The following PHOSPHO1 variants were observed in gnomAD, a reference collection of about 807,000 sequenced individuals.
The protein encoded by PHOSPHO1 is phosphoethanolamine/phosphocholine phosphatase 1, also known as phosphoethanolamine/phosphocholine phosphatase.
PHOSPHO1 carries 6 observed loss-of-function variants against 17.7 expected under a neutral mutation model. The observed-to-expected ratio is 0.34, with a 90% CI of 0.19 to 0.67. PHOSPHO1 has a LOEUF of 0.67. Among genes scored for constraint, PHOSPHO1 ranks in the 30% least tolerant of loss-of-function variants. The probability of loss-of-function intolerance (pLI) is 0.69; values close to 1 mark genes in which losing one functional copy is unlikely to be tolerated. For missense variants in PHOSPHO1, 330 were observed against 392.1 expected (o/e 0.84, Z 1.34); for synonymous variants, 159 against 174.6 (o/e 0.91, Z 0.71).
intron 2 of PHOSPHO1, chr17:49,225,588 G>A: frequency 3.1e-6 from 4 of 1,289,306 alleles, no homozygotes; most frequent in Non-Finnish European, 4.0e-6. Flanking sequence ...CAGGGGTCTA[G>A]GGATGGGGCA....
Sources: allele counts gnomAD v4.1 joint callset, GRCh38; gene constraint gnomAD v4.1.1; transcripts MANE v1.5; gene names NCBI Gene and HGNC (gene_info 2026-07-23, HGNC 2026-07-21).